Variants in ATG10 observed in about 807,000 individuals in gnomAD.
The protein encoded by ATG10 is ubiquitin-like-conjugating enzyme ATG10.
In ATG10, 30 loss-of-function variants were observed where a neutral mutation model predicts 32.1. The observed-to-expected ratio is 0.94, with a 90% CI of 0.70 to 1.27. The LOEUF is 1.27. Ranked by LOEUF, ATG10 falls within the 50% of genes most tolerant of loss-of-function variation. The probability of loss-of-function intolerance (pLI) is 0.00; values close to 1 mark genes in which losing one functional copy is unlikely to be tolerated. For synonymous variants in ATG10, 87 were observed against 91.5 expected (o/e 0.95, Z 0.28); for missense variants, 233 against 262.3 (o/e 0.89, Z 0.77).
chr5:82,046,987 T>G (rs1040367965), intron 2 of ATG10, among the ~76,000 whole-genome samples: 2 of 152,068 alleles, frequency 1.3e-5, no homozygotes, highest in Non-Finnish European at 2.9e-5. Context: ...CTGTGTTTTT[T>G]TTTTTTTTTA....
chr5:82,123,507 TA>T (rs1447196941), intron 3 of ATG10, among the ~76,000 whole-genome samples: 2 of 148,214 alleles, frequency 1.3e-5, no homozygotes, highest in Non-Finnish European at 3.0e-5. Context: ...CATGTATCCC[TA>T]AACCTAAAAT....
intron 3 of ATG10, chr5:82,111,490 C>G (rs141219408): frequency 8.6e-5 from 13 of 152,046 alleles, no homozygotes; most frequent in African/African-American, 1.9e-4. Flanking sequence ...GTTGCAGTGG[C>G]TTGTGAGGCT....
chr5:82,235,202 G>A (rs1746508799), intron 5 of ATG10, among the ~76,000 whole-genome samples: 1 of 152,114 alleles, frequency 6.6e-6, no homozygotes, highest in Non-Finnish European at 1.5e-5. Context: ...ATTCATGCTG[G>A]AGAAAGCTAG....
intron 5 of ATG10, among the ~76,000 whole-genome samples, chr5:82,230,634 G>A (rs1209458580): frequency 6.7e-6 from 1 of 149,504 alleles, no homozygotes; most frequent in Non-Finnish European, 1.5e-5. Context: ...TCAGGAGGCT[G>A]AGGCAAGAGA....
chr5:82,135,540 A>G (rs1318295621), intron 3 of ATG10, among the ~76,000 whole-genome samples: 1 of 152,124 alleles, frequency 6.6e-6, no homozygotes, highest in African/African-American at 2.4e-5. Context: ...TGTGGTTTTG[A>G]GTTTCTTCAT....
chr5:82,041,355 G>A (rs889839795), intron 2 of ATG10, among the ~76,000 whole-genome samples: 7 of 152,130 alleles, frequency 4.6e-5, no homozygotes, highest in Admixed American at 6.5e-5. Flanking sequence ...AACATAATAA[G>A]CATTCAATAA....
At chr5:81,993,312 T>TTCCTTCC (rs1561243921) in intron 2 of ATG10, among the ~76,000 whole-genome samples, 1 of 112,504 alleles carries the variant, frequency 8.9e-6, no homozygotes, top group Non-Finnish European at 1.8e-5. Flanking sequence ...CTTTCTTTCC[T>TTCCTTCC]TTCTTTCTTT....
chr5:82,123,287 TCTTA>T (rs1274435683), intron 3 of ATG10, among the ~76,000 whole-genome samples: 1 of 152,172 alleles, frequency 6.6e-6, no homozygotes, highest in Non-Finnish European at 1.5e-5. Context: ...ACCGTTATGT[TCTTA>T]CTTATTAAGT....
In ATG10 at chr5:82,058,470, T is replaced by C. The variant is rs752949356; in HGVS notation, c.109-25T>C. On this transcript the variant is annotated intron_variant, in intron 2 of 7. Transcript: ENST00000282185. Reference sequence around the variant, plus strand: ...TCTTAAAATAATTGGCATTTTCTTATATATTTTTTGGTGATGAAACACAGG... The same window carrying C: ...TCTTAAAATAATTGGCATTTTCTTACATATTTTTTGGTGATGAAACACAGG... 2.7e-6 allele frequency: 4 copies of C among 1,509,238 alleles called. No individual in the cohort carries two copies. The South Asian group carries it at 3.5e-5, about 13-fold the overall frequency. 93.5% of individuals were successfully genotyped at this position (1,509,238 alleles called of 1,614,324 possible). A position where few individuals can be genotyped will look rare whatever the true frequency, so the allele number is the denominator to read the frequency against.
intron 5 of ATG10, among the ~76,000 whole-genome samples, chr5:82,226,170 T>C (rs755169884): frequency 7.2e-5 from 11 of 152,254 alleles, no homozygotes; most frequent in Non-Finnish European, 1.3e-4. Context: ...AACTTTTTGA[T>C]TGCCAGCTCT....
At chr5:82,215,306 G>C (rs1745634006) in intron 5 of ATG10, among the ~76,000 whole-genome samples, 1 of 152,198 alleles carries the variant, frequency 6.6e-6, no homozygotes. Flanking sequence ...GCCAGCAAAA[G>C]AGAGTGTTAG....
At chr5:82,149,814 C>T (rs1319361177) in intron 3 of ATG10, among the ~76,000 whole-genome samples, 1 of 152,172 alleles carries the variant, frequency 6.6e-6, no homozygotes, top group Non-Finnish European at 1.5e-5. Context: ...GGCAAATTCT[C>T]TGTCTGTCCT....
chr5:82,238,655 TG>T (rs771431773), intron 5 of ATG10, among the ~76,000 whole-genome samples: 4 of 152,178 alleles, frequency 2.6e-5, no homozygotes, highest in Non-Finnish European at 5.9e-5. Context: ...GCATATAGAA[TG>T]TGCTCCATAA....
intron 3 of ATG10, among the ~76,000 whole-genome samples, chr5:82,151,021 C>A (rs1767572554): frequency 6.6e-6 from 1 of 152,100 alleles, no homozygotes; most frequent in Non-Finnish European, 1.5e-5. Flanking sequence ...TGCCAAGGAT[C>A]AATTTTGCCT....
At chr5:82,015,269 T>A (rs1473348863) in intron 2 of ATG10, among the ~76,000 whole-genome samples, 1 of 152,210 alleles carries the variant, frequency 6.6e-6, no homozygotes, top group Non-Finnish European at 1.5e-5. Context: ...ATTTTTTCCT[T>A]CATTTCAACT....
chr5:82,066,217 T>A (rs529948726), intron 3 of ATG10, among the ~76,000 whole-genome samples: 1 of 152,168 alleles, frequency 6.6e-6, no homozygotes, highest in Non-Finnish European at 1.5e-5. Context: ...AGAATAGAGA[T>A]AACCTAGATT....
intron 3 of ATG10, among the ~76,000 whole-genome samples, chr5:82,118,298 T>TTGTGTG (rs375478173): frequency 3.6e-5 from 5 of 140,500 alleles, no homozygotes; most frequent in African/African-American, 7.9e-5. Flanking sequence ...AGTGTCTTTC[T>TTGTGTG]TGTGTGTGTG....
intron 3 of ATG10, among the ~76,000 whole-genome samples, chr5:82,067,837 C>T (rs1763988391): frequency 6.6e-6 from 1 of 152,116 alleles, no homozygotes; most frequent in Non-Finnish European, 1.5e-5. Context: ...TTTAACTCAG[C>T]AGTAAGTTAT....
intron 5 of ATG10, among the ~76,000 whole-genome samples, chr5:82,225,107 T>C (rs1445674122): frequency 1.3e-5 from 2 of 152,342 alleles, no homozygotes; most frequent in Non-Finnish European, 2.9e-5. Context: ...ATAGGATAAT[T>C]GAGTCCTTGC....
Sources: gnomAD v4.1 joint callset for allele counts (sites outside exome capture counted in the v4.1 genomes callset) on GRCh38, gnomAD v4.1.1 for gene constraint, MANE v1.5 for transcripts, NCBI Gene and HGNC (gene_info 2026-07-23, HGNC 2026-07-21) for gene names.